CCDC63: variants seen among roughly 807,000 people sequenced by gnomAD.
CCDC63 encodes coiled-coil domain-containing protein 63.
CCDC63 carries 54 observed loss-of-function variants against 63.6 expected under a neutral mutation model. The observed-to-expected ratio is 0.85, with a 90% CI of 0.68 to 1.07. The LOEUF (loss-of-function observed/expected upper bound fraction) is 1.07. CCDC63 is among the 50% of genes least tolerant of loss of function. The pLI, the probability that CCDC63 is intolerant of heterozygous loss-of-function variation, is 0.00. For synonymous variants in CCDC63, 253 were observed against 266.1 expected, an observed-to-expected ratio of 0.95 and a Z score of 0.48; for missense variants, 637 against 689.6, an observed-to-expected ratio of 0.92 and a Z score of 0.86.
chr12:110,846,523 C>T (rs562151077), upstream of CCDC63, among the ~76,000 whole-genome samples: 2 of 151,982 alleles, frequency 1.3e-5, no homozygotes, highest in Non-Finnish European at 1.5e-5. Flanking sequence ...TCTTTCCCCC[C>T]CCGCCCCAAC....
intron 4 of CCDC63, among the ~76,000 whole-genome samples, chr12:110,864,785 G>A (rs929258292): frequency 6.6e-6 from 1 of 152,154 alleles, no homozygotes; most frequent in Non-Finnish European, 1.5e-5. Context: ...GAGCTGGGGT[G>A]GAGACCACCT....
Position 110,907,293 on chromosome 12 carries a change from A to T in CCDC63, c.1547-38A>T. 1.3e-6 allele frequency: 2 copies of T among 1,598,996 alleles called. No homozygotes were observed. Among genetic ancestry groups the T allele is most frequent in the Non-Finnish European group, 1.7e-6 (2 of 1,172,226 alleles). On this transcript the variant is annotated intron_variant, in intron 11 of 11. Transcript: ENST00000308208. This position sits in a 1 kb window ranked among gnomAD's most constrained non-coding sequence, Gnocchi z 4.4. ...AGGCTTAGCCCCAGCCCTGGGGTTG[A>T]TTTCCCAGCACCTCACACAAATCTG... is the stretch of plus-strand genomic sequence containing the variant.
intron 6 of CCDC63, among the ~76,000 whole-genome samples, chr12:110,880,883 G>GGTCATGGTA (rs1161216189): frequency 3.3e-5 from 5 of 150,792 alleles, no homozygotes; most frequent in Non-Finnish European, 5.9e-5. Flanking sequence ...TGATGATGGT[G>GGTCATGGTA]ATGCTGAAGG....
intron 11 of CCDC63, 115 bp downstream of exon 11, chr12:110,904,906 CTCTT>C (rs1455434834): frequency 2.6e-6 from 2 of 782,908 alleles, no homozygotes; most frequent in African/African-American, 3.5e-5. Flanking sequence ...TCGGTTTCCT[CTCTT>C]TATGAGCTCT....
chr12:110,874,013 C>G, intron 5 of CCDC63, 52 bp downstream of exon 5: 1 of 1,562,004 alleles, frequency 6.4e-7, no homozygotes, highest in Non-Finnish European at 8.7e-7. Context: ...CACGTTTGCT[C>G]AGAACAAAAA....
At chr12:110,872,261 A>G (rs2071077282) in intron 4 of CCDC63, among the ~76,000 whole-genome samples, 1 of 152,216 alleles carries the variant, frequency 6.6e-6, no homozygotes, top group Non-Finnish European at 1.5e-5. Context: ...ATGAATGGGC[A>G]TGGCTGGATT....
At position 110,858,728 on chromosome 12, in the gene CCDC63, G is replaced by A. The variant is rs944985788; in HGVS notation, c.322G>A (p.Ala108Thr). ...LLLQTKEDYE[A>T]LIKSLKVLLA... ...GCTCCAAACTAAGGAGGACTATGAG[G>A]CATTGATTAAATCCCTGAAAGTGCT... Residue 108 changes from alanine (A) to threonine (T), a missense_variant, in exon 4 of 12, where the codon GCA becomes ACA. Physicochemically the swap from Ala to Thr is moderately conservative, Grantham distance 58. Coordinates refer to ENST00000308208, the MANE Select transcript of CCDC63 (RefSeq NM_152591.3). The A allele has an allele frequency of 8.1e-6, 13 of 1,613,976 alleles. No individual in the cohort carries two copies. The African/African-American group carries it at 1.3e-4, about 17-fold the overall frequency.
chr12:110,867,652 G>C (rs1266681948), intron 4 of CCDC63, among the ~76,000 whole-genome samples: 2 of 127,918 alleles, frequency 1.6e-5, no homozygotes, highest in Non-Finnish European at 3.4e-5. Context: ...AGGGGCGGCC[G>C]GGCAGAGGCG....
At position 110,893,137 on chromosome 12, in the gene CCDC63, T is replaced by C; in HGVS notation, c.1136T>C (p.Leu379Pro). The C allele has an allele frequency of 6.2e-7, 1 of 1,613,838 alleles. No homozygotes were observed. Among genetic ancestry groups the C allele is most frequent in the Non-Finnish European group, 8.5e-7 (1 of 1,179,756 alleles). Reference sequence around the variant, plus strand: ...TCCCACGATGACAACCACTCTGTCCTGAGACAGCTGGAGGTGAGAACAGGA... The same window carrying C: ...TCCCACGATGACAACCACTCTGTCCCGAGACAGCTGGAGGTGAGAACAGGA... ...KLSHDDNHSV[L>P]RQLEDKLRKT... The change falls in exon 9 of 12, where the codon CTG (leucine) becomes CCG (proline). Residue 379 changes from leucine (L) to proline (P), a missense_variant. By Grantham distance (98) the Leu-to-Pro change is moderately conservative (BLOSUM62 -3). Transcript: ENST00000308208.
chr12:110,904,791 G>A lies in CCDC63; in HGVS notation c.1546G>A (p.Val516Met), dbSNP rs115635364. The change falls in exon 11 of 12, where the codon GTG becomes ATG. Residue 516 changes from valine (V) to methionine (M), a missense_variant and splice_region_variant. Val to Met is a conservative substitution (Grantham distance 21, BLOSUM62 1). Coordinates refer to ENST00000308208, the MANE Select transcript of CCDC63 (RefSeq NM_152591.3). Reference sequence around the variant, plus strand: ...CCCCTTCAGCGACAGGTTGGATGATGGTGAGTTCTCTCTCTCTCAATCTGC... The same window carrying A: ...CCCCTTCAGCGACAGGTTGGATGATAGTGAGTTCTCTCTCTCTCAATCTGC... ...ADPFSDRLDD[V>M]EQPLDHSSLR... 1,065 of 1,604,934 alleles carry A rather than the reference G, an allele frequency of 6.6e-4. 8 individuals carry two copies. The African/African-American group carries it at 0.013, about 20-fold the overall frequency.
chr12:110,883,720 A>G (rs2071239490), intron 7 of CCDC63, among the ~76,000 whole-genome samples: 1 of 151,860 alleles, frequency 6.6e-6, no homozygotes, highest in South Asian at 2.1e-4. Flanking sequence ...GCTCACTGCA[A>G]CCTCTGCCTC....
At chr12:110,874,634 C>T (rs563384932) in intron 5 of CCDC63, among the ~76,000 whole-genome samples, 360 of 152,280 alleles carry the variant, frequency 2.4e-3, no homozygotes, top group African/African-American at 8.4e-3. Flanking sequence ...CCAGTGTGAA[C>T]GAATGCTAGT....
intron 5 of CCDC63, among the ~76,000 whole-genome samples, chr12:110,877,770 A>C (rs2071149894): frequency 6.7e-6 from 1 of 148,902 alleles, no homozygotes; most frequent in Non-Finnish European, 1.5e-5. Flanking sequence ...CAGTGGCGTA[A>C]TCTCGGCTCA....
At chr12:110,906,168 C>T (rs934384990) in intron 11 of CCDC63, among the ~76,000 whole-genome samples, 17 of 131,268 alleles carry the variant, frequency 1.3e-4, no homozygotes. Flanking sequence ...CTGAAAGTGA[C>T]GGTGCTGCTG....
chr12:110,884,554 AT>A (rs1289367801), intron 8 of CCDC63, among the ~76,000 whole-genome samples: 1 of 151,650 alleles, frequency 6.6e-6, no homozygotes, highest in African/African-American at 2.4e-5. Context: ...TAATTTTTGT[AT>A]TTTTTGTAGA....
chr12:110,865,464 C>CAAAAAAAA (rs10585238), intron 4 of CCDC63, among the ~76,000 whole-genome samples: 116 of 102,012 alleles, frequency 1.1e-3, no homozygotes, highest in African/African-American at 2.5e-3. Flanking sequence ...CAGCATATAC[C>CAAAAAAAA]AAAAAAAAAA....
At chr12:110,863,047 C>T (rs1006622859) in intron 4 of CCDC63, among the ~76,000 whole-genome samples, 2 of 151,462 alleles carry the variant, frequency 1.3e-5, no homozygotes, top group African/African-American at 4.9e-5. Flanking sequence ...TGAACCACGG[C>T]GTCCAGCTGT....
intron 8 of CCDC63, among the ~76,000 whole-genome samples, chr12:110,884,694 G>C (rs1262466983): frequency 6.6e-6 from 1 of 151,346 alleles, no homozygotes; most frequent in Non-Finnish European, 1.5e-5. Flanking sequence ...CTTTTTATTT[G>C]TATTTTTTTT....
intron 9 of CCDC63, among the ~76,000 whole-genome samples, chr12:110,894,219 A>AAC (rs2071390985): frequency 6.9e-6 from 1 of 144,016 alleles, no homozygotes; most frequent in Non-Finnish European, 1.5e-5. Flanking sequence ...ACAACAACAA[A>AAC]AATCCTCACT....
Sources: allele counts gnomAD v4.1 joint callset (sites outside exome capture counted in the v4.1 genomes callset), GRCh38; gene constraint gnomAD v4.1.1; non-coding constraint Gnocchi (gnomAD v3.1); transcripts MANE v1.5; gene names NCBI Gene and HGNC (gene_info 2026-07-23, HGNC 2026-07-21).